Variants in ST8SIA6 observed in about 807,000 individuals in gnomAD.
ST8SIA6 encodes the protein alpha-2,8-sialyltransferase 8F.
Under a neutral mutation model 33.6 loss-of-function variants are expected in ST8SIA6, and 39 were observed. The observed-to-expected ratio is 1.16, with a 90% CI of 0.90 to 1.52. The LOEUF (loss-of-function observed/expected upper bound fraction) is 1.52. ST8SIA6 is among the 40% of genes most tolerant of loss of function. ST8SIA6 has a pLI of 0.00. For synonymous variants in ST8SIA6, 172 were observed against 167.2 expected (o/e 1.03, Z -0.22); for missense variants, 441 against 443.8 (o/e 0.99, Z 0.06).
rs994027148 is a variant in ST8SIA6, at chr10:17,317,874, G to C, written c.*3004C>G. On this transcript the variant is annotated 3_prime_UTR_variant, in exon 8 of 8. Coordinates refer to ENST00000377602, the MANE Select transcript of ST8SIA6 (RefSeq NM_001004470.3). Reference sequence around the variant, plus strand: ...TACATGAAGAAGGAAATATCCTTTAGTGAAAGCCATGATCTATTTGTCATT... The same window carrying C: ...TACATGAAGAAGGAAATATCCTTTACTGAAAGCCATGATCTATTTGTCATT... 2.6e-5 allele frequency among the ~76,000 whole-genome samples: 4 copies of C among 152,186 alleles called. No individual in the cohort carries two copies. Among genetic ancestry groups the C allele is most frequent in the African/African-American group, 9.7e-5 (4 of 41,450 alleles).
At chr10:17,452,167 G>A (rs1300988141) in intron 2 of ST8SIA6, among the ~76,000 whole-genome samples, 1 of 151,978 alleles carries the variant, frequency 6.6e-6, no homozygotes, top group Non-Finnish European at 1.5e-5. Context: ...AAAACTATAG[G>A]ACACTATTTT....
rs934459481 is a variant in ST8SIA6 at position 17,453,598 on chromosome 10, A to G, written c.161T>C (p.Leu54Pro). The G allele has an allele frequency of 7.5e-7, 1 of 1,331,226 alleles. No homozygotes were observed. The highest frequency in any genetic ancestry group is 9.7e-7 in the Non-Finnish European group (1 of 1,033,200). The allele number at this position is 1,331,226 out of a possible 1,614,324, so 82.5% of individuals were successfully genotyped here. Reference sequence around the variant, plus strand: ...CGGTACCGCGGTCGCCGGGCTCCGGAGCGTCCTCAGCGCTGCGGGGGTGCC... The same window carrying G: ...CGGTACCGCGGTCGCCGGGCTCCGGGGCGTCCTCAGCGCTGCGGGGGTGCC... ...THGTPAALRT[L>P]RSPATAVPRA... The change falls in exon 2 of 8, where the codon CTC (leucine) becomes CCC (proline). Residue 54 changes from leucine to proline, a missense_variant. Transcript: ENST00000377602.
chr10:17,436,108 C>T (rs562700495), intron 2 of ST8SIA6, among the ~76,000 whole-genome samples: 7 of 152,322 alleles, frequency 4.6e-5, no homozygotes, highest in African/African-American at 1.7e-4. Context: ...GTTTTACTTA[C>T]CACTGTCACT....
At chr10:17,363,632 A>T (rs1849466778) in intron 3 of ST8SIA6, among the ~76,000 whole-genome samples, 1 of 152,168 alleles carries the variant, frequency 6.6e-6, no homozygotes, top group Non-Finnish European at 1.5e-5. Flanking sequence ...GAGTTGGCTC[A>T]TACAAGCTTA....
chr10:17,422,835 A>G (rs969107899), intron 2 of ST8SIA6, among the ~76,000 whole-genome samples: 1 of 152,222 alleles, frequency 6.6e-6, no homozygotes, highest in East Asian at 1.9e-4. Flanking sequence ...AAAATTTCCA[A>G]AATTAAACAA....
chr10:17,447,609 A>G (rs1247498848), intron 2 of ST8SIA6, among the ~76,000 whole-genome samples: 2 of 152,158 alleles, frequency 1.3e-5, no homozygotes, highest in Non-Finnish European at 2.9e-5. Context: ...AGAAATGAGG[A>G]GGGGATCATT....
intron 2 of ST8SIA6, among the ~76,000 whole-genome samples, chr10:17,451,791 A>C (rs149838482): frequency 1.6e-4 from 25 of 152,354 alleles, no homozygotes; most frequent in Non-Finnish European, 3.5e-4. Context: ...ATAAATAACC[A>C]AAATCATAAA....
At chr10:17,403,587 TC>T in intron 2 of ST8SIA6, 1 of 152,384 alleles carries the variant, frequency 6.6e-6, no homozygotes, top group South Asian at 2.1e-4. Flanking sequence ...CTACTCTTTT[TC>T]CCCTTCTCAT....
chr10:17,329,790 T>G (rs1848240288), intron 5 of ST8SIA6, among the ~76,000 whole-genome samples: 1 of 152,206 alleles, frequency 6.6e-6, no homozygotes, highest in Non-Finnish European at 1.5e-5. Flanking sequence ...TCTCAACGTT[T>G]CCTTAAATAA....
At chr10:17,368,362 G>T (rs778716896) in intron 3 of ST8SIA6, among the ~76,000 whole-genome samples, 2 of 130,894 alleles carry the variant, frequency 1.5e-5, no homozygotes, top group African/African-American at 2.9e-5. Flanking sequence ...AGCTGAGATC[G>T]CACCATTGTA....
chr10:17,322,821 G>T (rs1264403861), intron 7 of ST8SIA6, among the ~76,000 whole-genome samples: 3 of 152,104 alleles, frequency 2.0e-5, no homozygotes, highest in Non-Finnish European at 4.4e-5. Context: ...AAGAGATAAA[G>T]AAATAAATAT....
chr10:17,337,039 G>T (rs1015816740), intron 4 of ST8SIA6, among the ~76,000 whole-genome samples: 4 of 152,114 alleles, frequency 2.6e-5, no homozygotes, highest in African/African-American at 9.7e-5. Flanking sequence ...GGAGGGGCCC[G>T]GTGGGAGGTG....
At chr10:17,322,167 GA>G (rs1847975107) in intron 7 of ST8SIA6, among the ~76,000 whole-genome samples, 1 of 148,986 alleles carries the variant, frequency 6.7e-6, no homozygotes, top group African/African-American at 2.5e-5. Context: ...AAGAGAGAAA[GA>G]CGGAAGAAAG....
rs531231122 is a variant in ST8SIA6 at position 17,432,846 on chromosome 10, C to T, written c.200+20713G>A. Among the ~76,000 whole-genome samples the T allele has an allele frequency of 8.4e-4, 128 of 152,318 alleles. 1 individual carries two copies. The highest frequency in any genetic ancestry group is 2.6e-3 in the African/African-American group (110 of 41,566). On this transcript the variant is annotated intron_variant, in intron 2 of 7. Coordinates refer to ENST00000377602, the MANE Select transcript of ST8SIA6 (RefSeq NM_001004470.3). ...GCCAATCCCAGCGGCCATACTTCAACGACTCATAGACTGCTAAGTGTTCAA... is the reference window on the plus strand; with the variant it reads ...GCCAATCCCAGCGGCCATACTTCAATGACTCATAGACTGCTAAGTGTTCAA...
chr10:17,342,414 A>C (rs975264204), intron 4 of ST8SIA6, among the ~76,000 whole-genome samples: 3 of 152,156 alleles, frequency 2.0e-5, no homozygotes, highest in African/African-American at 7.2e-5. Flanking sequence ...CACCGAACCC[A>C]GCGCACAGAA....
intron 3 of ST8SIA6, among the ~76,000 whole-genome samples, chr10:17,379,532 C>T (rs954245954): frequency 6.6e-6 from 1 of 152,206 alleles, no homozygotes; most frequent in Admixed American, 6.5e-5. Flanking sequence ...TATCCCTCTG[C>T]TCATTAAGAT....
In ST8SIA6 at chr10:17,318,812, A is replaced by G. The variant is rs1847851400; in HGVS notation, c.*2066T>C. On this transcript the variant is annotated 3_prime_UTR_variant, in exon 8 of 8. Transcript: ENST00000377602. ...TTACGTTTTACAGTTTACATAGCTG[A>G]CATGCTGTATTGTAAACATTCATGT... 2.2e-6 allele frequency: 1 copy of G among 452,500 alleles called. No individual in the cohort carries two copies. The highest frequency in any genetic ancestry group is 4.5e-6 in the Non-Finnish European group (1 of 221,654). 28.0% of individuals were successfully genotyped at this position (452,500 alleles called of 1,614,324 possible). A position where few individuals can be genotyped will look rare whatever the true frequency, so the allele number is the denominator to read the frequency against.
chr10:17,345,807 T>A (rs1234956177), intron 4 of ST8SIA6, among the ~76,000 whole-genome samples: 1 of 152,178 alleles, frequency 6.6e-6, no homozygotes, highest in Non-Finnish European at 1.5e-5. Flanking sequence ...GAGGATAGAT[T>A]AGTGGGTCTG....
Position 17,320,681 on chromosome 10 carries a change from T to A in ST8SIA6, c.*197A>T. On this transcript the variant is annotated 3_prime_UTR_variant, in exon 8 of 8. Transcript: ENST00000377602. ...TTGTATGAGTCAGATATGGTGTCCA[T>A]GTTATAAGGAGAAAAAATGAAGATG... 1 of 590,222 alleles carries A rather than the reference T, an allele frequency of 1.7e-6. No individual in the cohort carries two copies. The highest frequency in any genetic ancestry group is 3.0e-6 in the Non-Finnish European group (1 of 334,006). The allele number at this position is 590,222 out of a possible 1,614,324, so 36.6% of individuals were successfully genotyped here. A position where few individuals can be genotyped will look rare whatever the true frequency, so the allele number is the denominator to read the frequency against.
Sources: allele counts gnomAD v4.1 joint callset (sites outside exome capture counted in the v4.1 genomes callset), GRCh38; gene constraint gnomAD v4.1.1; transcripts MANE v1.5; gene names NCBI Gene and HGNC (gene_info 2026-07-23, HGNC 2026-07-21).